The following CTTNBP2NL variants were observed in gnomAD, a reference collection of about 807,000 sequenced individuals.
CTTNBP2NL encodes CTTNBP2 N-terminal like.
Under a neutral mutation model 32.5 loss-of-function variants are expected in CTTNBP2NL, and 16 were observed. The observed-to-expected ratio is 0.49, with a 90% CI of 0.33 to 0.75. The LOEUF is 0.75. CTTNBP2NL is among the 30% of genes least tolerant of loss of function. CTTNBP2NL has a pLI of 0.02. For synonymous variants in CTTNBP2NL, 298 were observed against 289.4 expected (o/e 1.03, Z -0.30); for missense variants, 645 against 756.0 (o/e 0.85, Z 1.72).
At chr1:112,420,153 T>C (rs1335139739) in intron 3 of CTTNBP2NL, among the ~76,000 whole-genome samples, 1 of 151,390 alleles carries the variant, frequency 6.6e-6, no homozygotes, top group Non-Finnish European at 1.5e-5. Flanking sequence ...AGTGGCTTTT[T>C]TTTTTTTTTT....
At position 112,456,503 on chromosome 1, in the gene CTTNBP2NL, T is replaced by G. The variant is rs1650368148; in HGVS notation, c.1011T>G (p.Gly337=). 1 of 1,614,108 alleles carries G rather than the reference T, an allele frequency of 6.2e-7. No homozygotes were observed. Among genetic ancestry groups the G allele is most frequent in the Non-Finnish European group, 8.5e-7 (1 of 1,180,000 alleles). ...IAKMTNTGLP[G]PATPAYSYAK... is the part of the protein sequence containing the mutation. ...AGATGACAAACACTGGGCTGCCTGG[T>G]CCTGCCACTCCTGCTTACTCATATG... Residue 337 remains glycine, a synonymous_variant, in exon 6 of 6, where the codon GGT becomes GGG. Transcript: ENST00000271277.
intron 1 of CTTNBP2NL, among the ~76,000 whole-genome samples, chr1:112,406,369 G>A (rs1648666165): frequency 6.6e-6 from 1 of 152,176 alleles, no homozygotes. Flanking sequence ...CTGATAAAAT[G>A]AGAGGATCAG....
intron 3 of CTTNBP2NL, among the ~76,000 whole-genome samples, chr1:112,425,956 C>CGT (rs376135147): frequency 0.091 from 10,893 of 119,656 alleles, 657 homozygotes; most frequent in African/African-American, 0.19. Context: ...ATCTGGATGC[C>CGT]GTGTGTGTGT....
Position 112,456,331 on chromosome 1 carries a change from C to G in CTTNBP2NL, c.839C>G (p.Ser280Cys). ...AAGATAGTGAAGGACCTAGAGGCTT[C>G]CCACCAGCACAGTAGCCCTAATGAG... ...LKKIVKDLEA[S>C]HQHSSPNEQL... is the part of the protein sequence containing the mutation. Residue 280 changes from serine to cysteine, a missense_variant, in exon 6 of 6, where the codon TCC (serine) becomes TGC (cysteine). Transcript: ENST00000271277. 2.5e-6 allele frequency: 4 copies of G among 1,613,990 alleles called. No homozygotes were observed. Among genetic ancestry groups the G allele is most frequent in the Non-Finnish European group, 3.4e-6 (4 of 1,180,034 alleles).
intron 3 of CTTNBP2NL, among the ~76,000 whole-genome samples, chr1:112,444,697 T>G (rs1649986777): frequency 6.6e-6 from 1 of 152,224 alleles, no homozygotes. Flanking sequence ...CCCTCCAAAC[T>G]CTAATATCAT....
intron 1 of CTTNBP2NL, among the ~76,000 whole-genome samples, chr1:112,404,914 G>A (rs1330891428): frequency 6.6e-6 from 1 of 152,150 alleles, no homozygotes; most frequent in Admixed American, 6.5e-5. Flanking sequence ...AGCCAGGCAT[G>A]GTGGCACAAG....
At chr1:112,426,957 A>C (rs1056351194) in intron 3 of CTTNBP2NL, among the ~76,000 whole-genome samples, 17 of 152,134 alleles carry the variant, frequency 1.1e-4, no homozygotes, top group African/African-American at 3.6e-4. Context: ...ATTTCAACAG[A>C]ATAAACAATA....
chr1:112,426,767 C>T (rs953746353), intron 3 of CTTNBP2NL, among the ~76,000 whole-genome samples: 6 of 151,888 alleles, frequency 4.0e-5, no homozygotes, highest in African/African-American at 1.5e-4. Context: ...CCACCACACC[C>T]AGCTAATTTT....
intron 1 of CTTNBP2NL, among the ~76,000 whole-genome samples, chr1:112,409,944 C>T (rs1301643473): frequency 2.0e-5 from 3 of 152,078 alleles, no homozygotes; most frequent in Non-Finnish European, 4.4e-5. Context: ...GTTTTTGATA[C>T]CCATAACTTC....
intron 1 of CTTNBP2NL, among the ~76,000 whole-genome samples, chr1:112,408,316 T>C (rs976278532): frequency 1.3e-5 from 2 of 150,780 alleles, no homozygotes; most frequent in Admixed American, 6.6e-5. Context: ...GTGCTGAGAT[T>C]ACAGGCATAT....
chr1:112,447,263 G>T (rs1466946574), intron 3 of CTTNBP2NL, among the ~76,000 whole-genome samples: 1 of 115,282 alleles, frequency 8.7e-6, no homozygotes, highest in Non-Finnish European at 1.7e-5. Flanking sequence ...GACAGAGCGA[G>T]ACTCCATCTA....
intron 4 of CTTNBP2NL, among the ~76,000 whole-genome samples, chr1:112,452,113 T>A (rs1650238069): frequency 6.6e-6 from 1 of 152,132 alleles, no homozygotes; most frequent in Non-Finnish European, 1.5e-5. Context: ...TGTCTTTCTA[T>A]TAAATTGAAA....
intron 3 of CTTNBP2NL, among the ~76,000 whole-genome samples, chr1:112,429,058 G>A (rs1364870147): frequency 1.3e-5 from 2 of 152,158 alleles, no homozygotes; most frequent in Admixed American, 6.5e-5. Flanking sequence ...ACAAGAACTA[G>A]CATTGTATAT....
At chr1:112,413,819 G>A (rs1006917809) in intron 2 of CTTNBP2NL, among the ~76,000 whole-genome samples, 15 of 152,126 alleles carry the variant, frequency 9.9e-5, no homozygotes, top group African/African-American at 1.9e-4. Context: ...AGGCCAAGGC[G>A]GGCGGATCAC....
intron 1 of CTTNBP2NL, among the ~76,000 whole-genome samples, chr1:112,410,733 G>A (rs1648834488): frequency 6.6e-6 from 1 of 152,184 alleles, no homozygotes; most frequent in South Asian, 2.1e-4. Flanking sequence ...CGGAGTTACT[G>A]ATGATGAAAA....
chr1:112,399,320 A>AAAG (rs1179364517), intron 1 of CTTNBP2NL, among the ~76,000 whole-genome samples: 7 of 148,890 alleles, frequency 4.7e-5, no homozygotes, highest in Admixed American at 4.7e-4. Context: ...CTCTGTCTCA[A>AAAG]AAAAAAAAAA....
At chr1:112,452,067 G>A (rs1650236586) in intron 4 of CTTNBP2NL, among the ~76,000 whole-genome samples, 1 of 152,006 alleles carries the variant, frequency 6.6e-6, no homozygotes. Flanking sequence ...CTCCCAAAAG[G>A]GAGAAGATAA....
At position 112,452,645 on chromosome 1, in the gene CTTNBP2NL, C is replaced by CTTTTTTTTTTTTTTTTTTTTTT. The variant is rs34842059; in HGVS notation, c.331-1791_331-1790insTTTTTTTTTTTTTTTTTTTTTT. Among the ~76,000 whole-genome samples the CTTTTTTTTTTTTTTTTTTTTTT allele has an allele frequency of 1.9e-4, 25 of 133,106 alleles. 2 individuals are homozygous for CTTTTTTTTTTTTTTTTTTTTTT. The highest frequency in any genetic ancestry group is 7.4e-4 in the African/African-American group (24 of 32,228). 87.3% of individuals were successfully genotyped at this position (133,106 alleles called of 152,430 possible). On this transcript the variant is annotated intron_variant, in intron 4 of 5. Coordinates refer to ENST00000271277, the MANE Select transcript of CTTNBP2NL (RefSeq NM_018704.3). The stretch of plus-strand genomic sequence containing the variant: ...AGGCATGAGCCACCACTCCTGGCCT[C>CTTTTTTTTTTTTTTTTTTTTTT]TTTTTTTTTTTTTGAGACAAAGTCT...
At chr1:112,447,649 TAA>T (rs143454169) in intron 3 of CTTNBP2NL, among the ~76,000 whole-genome samples, 11 of 150,018 alleles carry the variant, frequency 7.3e-5, no homozygotes, top group Non-Finnish European at 1.5e-4. Context: ...ACTTCTGTGT[TAA>T]AAAAAAAACC....
Sources: allele counts gnomAD v4.1 joint callset (sites outside exome capture counted in the v4.1 genomes callset), GRCh38; gene constraint gnomAD v4.1.1; transcripts MANE v1.5; gene names NCBI Gene and HGNC (gene_info 2026-07-23, HGNC 2026-07-21).